MYH7: variants seen among roughly 807,000 people sequenced by gnomAD.
The protein encoded by MYH7 is myosin heavy chain 7, also known as myosin-7.
In MYH7, 129 loss-of-function variants were observed where a neutral mutation model predicts 225.4. The observed-to-expected ratio is 0.57, with a 90% CI of 0.50 to 0.66. The LOEUF (loss-of-function observed/expected upper bound fraction) is 0.66. Among genes scored for constraint, MYH7 ranks in the 30% least tolerant of loss-of-function variants. MYH7 has a pLI of 0.00. For synonymous variants in MYH7, 971 were observed against 1,007.6 expected (o/e 0.96, Z 0.69); for missense variants, 1,649 against 2,517.0 (o/e 0.66, Z 7.38).
rs1430413142 is a variant in MYH7, at chr14:23,423,894, G to A, written c.2922+13C>T. The A allele has an allele frequency of 6.2e-7, 1 of 1,613,896 alleles. No homozygotes were observed. Among genetic ancestry groups the A allele is most frequent in the Non-Finnish European group, 8.5e-7 (1 of 1,180,028 alleles). On this transcript the variant is annotated intron_variant, in intron 23 of 39. Coordinates refer to ENST00000355349, the MANE Select transcript of MYH7 (RefSeq NM_000257.4). The stretch of plus-strand genomic sequence containing the variant: ...ATGAGACCCGGGCTGGAGCCAAAGG[G>A]AGCTGCCCTTACCTTGTTCTCTGTT...
rs776583355 is a variant in MYH7, at chr14:23,428,979, G to A, written c.1383C>T (p.Asp461=). Residue 461 remains aspartate, a synonymous_variant, in exon 14 of 40, where the codon GAC becomes GAT. Transcript: ENST00000355349. ...QPRQYFIGVL[D]IAGFEIFDFN... ...CATCGAAGATCTCGAAGCCAGCGAT[G>A]TCCAGGACTCCTATGAAGTACTGGC... The A allele has an allele frequency of 1.9e-6, 3 of 1,614,220 alleles. No individual in the cohort carries two copies. The highest frequency in any genetic ancestry group is 1.3e-5 in the African/African-American group (1 of 75,040).
In MYH7 at chr14:23,422,938, A is replaced by G. The variant is rs535197722; in HGVS notation, c.3099+609T>C. ...GCCACCGCGGCTGGCCGCCGTATTC[A>G]TTCTTTCAGCATCCTATAAACACCT... On this transcript the variant is annotated intron_variant, in intron 24 of 39. Transcript: ENST00000355349. 3.3e-5 allele frequency among the ~76,000 whole-genome samples: 5 copies of G among 152,284 alleles called. No individual in the cohort carries two copies. In the South Asian group the frequency reaches 1.0e-3, roughly 32 times the overall value.
chr14:23,429,198 C>G (rs747364583), intron 13 of MYH7, 31 bp downstream of exon 13: 5 of 1,613,196 alleles, frequency 3.1e-6, no homozygotes, highest in East Asian at 2.2e-5. Flanking sequence ...CCCTACCCTG[C>G]CCACCCATTA....
intron 38 of MYH7, 29 bp from the exon 39 acceptor site, chr14:23,413,922 G>T (rs577825712): frequency 5.0e-6 from 8 of 1,614,074 alleles, no homozygotes; most frequent in Non-Finnish European, 6.8e-6. Context: ...TGAGGTGAGA[G>T]GGGGCCTGGG....
chr14:23,433,661 T>C lies in MYH7; in HGVS notation c.72A>G (p.Leu24=), dbSNP rs1474418447. Residue 24 remains leucine, a synonymous_variant, in exon 3 of 40, where the codon CTA becomes CTG. Coordinates refer to ENST00000355349, the MANE Select transcript of MYH7 (RefSeq NM_000257.4). The surrounding 1 kb of genome is among the most constrained non-coding windows in gnomAD (Gnocchi z 4.1). ...GGTCAAAAGGCCTGGTCTGCGCTTC[T>C]AGCCGCTCCTTCTCTGACTTGCGCA... The part of the protein sequence containing the change: ...PYLRKSEKER[L]EAQTRPFDLK... The C allele has an allele frequency of 1.2e-6, 2 of 1,614,154 alleles. No individual in the cohort carries two copies. Among genetic ancestry groups the C allele is most frequent in the Non-Finnish European group, 8.5e-7 (1 of 1,180,052 alleles).
intron 6 of MYH7, 133 bp downstream of exon 6, chr14:23,432,346 G>A: frequency 9.1e-7 from 1 of 1,102,022 alleles, no homozygotes; most frequent in East Asian, 2.4e-5. Context: ...GTAATGGTCA[G>A]AGAAGAAGGA....
rs772520956 is a variant in MYH7, at chr14:23,417,536, T to C, written c.4320A>G (p.Ala1440=). 4 of 1,612,340 alleles carry C rather than the reference T, an allele frequency of 2.5e-6. No homozygotes were observed. In the South Asian group the frequency reaches 4.4e-5, roughly 18 times the overall value. Residue 1440 remains alanine (A), a synonymous_variant, in exon 31 of 40, where the codon GCA becomes GCG. Coordinates refer to ENST00000355349, the MANE Select transcript of MYH7 (RefSeq NM_000257.4). ...VDVERSNAAA[A]ALDKKQRNFD... ...AGTTCCTCTGCTTCTTGTCCAGGGCTGCAGCAGCAGCATTGGAGCGCTCTA... is the reference window on the plus strand; with the variant it reads ...AGTTCCTCTGCTTCTTGTCCAGGGCCGCAGCAGCAGCATTGGAGCGCTCTA...
At position 23,415,890 on chromosome 14, in the gene MYH7, G is replaced by A; in HGVS notation, c.4954-58C>T. The A allele has an allele frequency of 2.2e-5, 36 of 1,613,542 alleles. No individual in the cohort carries two copies. The highest frequency in any genetic ancestry group is 3.1e-5 in the Non-Finnish European group (36 of 1,179,644). Reference sequence around the variant, plus strand: ...GCCAGCCTCGGTTCCCTTCACTAAAGGCACCTGTCAGAGGTCCCTGCAGTA... The same window carrying A: ...GCCAGCCTCGGTTCCCTTCACTAAAAGCACCTGTCAGAGGTCCCTGCAGTA... On this transcript the variant is annotated intron_variant, in intron 34 of 39. Coordinates refer to ENST00000355349, the MANE Select transcript of MYH7 (RefSeq NM_000257.4). The surrounding 1 kb of genome is among the most constrained non-coding windows in gnomAD (Gnocchi z 6.3).
At chr14:23,430,511 C>T in intron 11 of MYH7, 49 bp downstream of exon 11, 3 of 1,467,974 alleles carry the variant, frequency 2.0e-6, no homozygotes, top group Middle Eastern at 1.7e-4. Flanking sequence ...CCCTGTTTGC[C>T]CCTCACTGCC....
chr14:23,420,936 C>T (rs45568136), intron 26 of MYH7, 22 bp downstream of exon 26: 9 of 1,602,368 alleles, frequency 5.6e-6, no homozygotes, highest in Admixed American at 5.0e-5. Context: ...CTCAGCATCC[C>T]GCGTGGGTGT....
In MYH7 at chr14:23,417,888, G is replaced by A. The variant is rs1892292143; in HGVS notation, c.4170-202C>T. ...GAGACCCAGGCACCCTCTGACCCTGGCCCAGCCTCTGCGCTATGGACATTG... is the reference window on the plus strand; with the variant it reads ...GAGACCCAGGCACCCTCTGACCCTGACCCAGCCTCTGCGCTATGGACATTG... On this transcript the variant is annotated intron_variant, in intron 30 of 39. Coordinates refer to ENST00000355349, the MANE Select transcript of MYH7 (RefSeq NM_000257.4). 5.5e-6 allele frequency: 5 copies of A among 902,946 alleles called. No individual in the cohort carries two copies. In the Admixed American group the frequency reaches 8.5e-5, roughly 15 times the overall value. 55.9% of individuals were successfully genotyped at this position (902,946 alleles called of 1,614,324 possible).
chr14:23,431,038 T>C, intron 9 of MYH7, 39 bp from the exon 10 acceptor site: 10 of 1,485,918 alleles, frequency 6.7e-6, no homozygotes, highest in Non-Finnish European at 9.4e-6. Context: ...GAAAGAAAAG[T>C]TAGGGTTTGG....
intron 25 of MYH7, chr14:23,421,828 G>T: frequency 1.0e-6 from 1 of 977,460 alleles, no homozygotes; most frequent in African/African-American, 1.8e-5. Context: ...GCCACAAAGG[G>T]ACTTTCCTAA....
Position 23,422,330 on chromosome 14 carries a change from T to C in MYH7, c.3100-5A>G, listed in dbSNP as rs780522390. ...TTGCTCCAGGGATCCTTCCAGCTGG[T>C]AGAGAGAAGGAGCCAGGCCCAGTGA... On this transcript the variant is annotated splice_polypyrimidine_tract_variant and splice_region_variant and intron_variant, in intron 24 of 39. Coordinates refer to ENST00000355349, the MANE Select transcript of MYH7 (RefSeq NM_000257.4). 4 of 1,614,126 alleles carry C rather than the reference T, an allele frequency of 2.5e-6. No individual in the cohort carries two copies. The South Asian group carries it at 4.4e-5, about 18-fold the overall frequency.
At chr14:23,426,922 A>T in intron 17 of MYH7, 58 bp from the exon 18 acceptor site, 1 of 1,407,706 alleles carries the variant, frequency 7.1e-7, no homozygotes, top group East Asian at 2.3e-5. Context: ...AGATGCAGGA[A>T]GAAGAGAGGA....
intron 18 of MYH7, among the ~76,000 whole-genome samples, chr14:23,426,302 T>A (rs1342253252): frequency 6.6e-6 from 1 of 152,208 alleles, no homozygotes; most frequent in Non-Finnish European, 1.5e-5. Flanking sequence ...AGAACAGATA[T>A]ATCCAATGTT....
chr14:23,432,856 G>A, intron 4 of MYH7, 61 bp from the exon 5 acceptor site: 2 of 1,605,178 alleles, frequency 1.2e-6, no homozygotes, highest in Non-Finnish European at 1.7e-6. Flanking sequence ...GGTGATTTTG[G>A]GAGTTAGAGA....
In MYH7 at chr14:23,413,913, G is replaced by A. The variant is rs376965306; in HGVS notation, c.5656-20C>T. 1 of 1,614,134 alleles carries A rather than the reference G, an allele frequency of 6.2e-7. No individual in the cohort carries two copies. Among genetic ancestry groups the A allele is most frequent in the African/African-American group, 1.3e-5 (1 of 74,938 alleles). On this transcript the variant is annotated intron_variant, in intron 38 of 39. Coordinates refer to ENST00000355349, the MANE Select transcript of MYH7 (RefSeq NM_000257.4). ...CTCCTCCTGCGGGAGGTGGGAGCAT[G>A]AGGTGAGAGGGGGCCTGGGTTCTCA...
In MYH7 at chr14:23,415,097, C is replaced by A. The variant is rs1271216246; in HGVS notation, c.5457G>T (p.Val1819=). The change falls in exon 37 of 40, where the codon GTG becomes GTT. Residue 1819 remains valine (V), a synonymous_variant. Coordinates refer to ENST00000355349, the MANE Select transcript of MYH7 (RefSeq NM_000257.4). This position sits in a 1 kb window ranked among gnomAD's most constrained non-coding sequence, Gnocchi z 6.3. ...CCTCCAGCTCATTCTCCAGCTCCCGCACCCGCGCTTCCAGCTTCTGCAGCT... is the reference window on the plus strand; with the variant it reads ...CCTCCAGCTCATTCTCCAGCTCCCGAACCCGCGCTTCCAGCTTCTGCAGCT... The part of the protein sequence containing the change: ...KKQLQKLEAR[V]RELENELEAE... 26 of 1,614,046 alleles carry A rather than the reference C, an allele frequency of 1.6e-5. No individual in the cohort carries two copies. Among genetic ancestry groups the A allele is most frequent in the Non-Finnish European group, 2.1e-5 (25 of 1,180,048 alleles).
Sources: allele counts gnomAD v4.1 joint callset (sites outside exome capture counted in the v4.1 genomes callset), GRCh38; gene constraint gnomAD v4.1.1; non-coding constraint Gnocchi (gnomAD v3.1); transcripts MANE v1.5; gene names NCBI Gene and HGNC (gene_info 2026-07-23, HGNC 2026-07-21).